Variants in DTHD1 observed in about 807,000 individuals in gnomAD.
The protein encoded by DTHD1 is death domain-containing protein 1.
Under a neutral mutation model 74.8 loss-of-function variants are expected in DTHD1, and 59 were observed. The ratio of observed to expected loss-of-function variants is 0.79; its 90% CI spans 0.64 to 0.98. DTHD1 has a LOEUF of 0.98. Ranked by LOEUF, DTHD1 falls within the 50% of genes least tolerant of loss-of-function variation. DTHD1 has a pLI of 0.00. For synonymous variants in DTHD1, 365 were observed against 371.1 expected (o/e 0.98, Z 0.19); for missense variants, 1,051 against 1,065.4 (o/e 0.99, Z 0.19).
At chr4:36,327,844 G>T (rs1213719152) in intron 8 of DTHD1, among the ~76,000 whole-genome samples, 21 of 151,988 alleles carry the variant, frequency 1.4e-4, no homozygotes, top group Admixed American at 1.4e-3. Flanking sequence ...ATTCCTGGAT[G>T]CCCCTTCCTT....
intron 5 of DTHD1, among the ~76,000 whole-genome samples, chr4:36,303,656 C>G (rs530707412): frequency 6.6e-6 from 1 of 152,304 alleles, no homozygotes; most frequent in South Asian, 2.1e-4. Context: ...GGGCCTGATT[C>G]TCACTCCAGA....
intron 7 of DTHD1, among the ~76,000 whole-genome samples, chr4:36,313,562 A>C (rs1387791138): frequency 6.6e-6 from 1 of 152,172 alleles, no homozygotes; most frequent in Non-Finnish European, 1.5e-5. Flanking sequence ...AAATTACATA[A>C]TGGTTTCTGT....
intron 5 of DTHD1, 45 bp from the exon 6 acceptor site, chr4:36,306,146 T>G (rs1178462887): frequency 6.8e-7 from 1 of 1,481,072 alleles, no homozygotes. Context: ...ATAAGATTTA[T>G]ATCATGTAAA....
rs904648549 is a variant in DTHD1, at chr4:36,343,912, A to G, written c.*88A>G. 1 of 1,254,704 alleles carries G rather than the reference A, an allele frequency of 8.0e-7. No individual in the cohort carries two copies. The highest frequency in any genetic ancestry group is 1.5e-5 in the African/African-American group (1 of 66,046). The allele number at this position is 1,254,704 out of a possible 1,614,324, so 77.7% of individuals were successfully genotyped here. A position where few individuals can be genotyped will look rare whatever the true frequency, so the allele number is the denominator to read the frequency against. On this transcript the variant is annotated 3_prime_UTR_variant, in exon 10 of 10. Transcript: ENST00000639862. ...ACATTTTCCTGGAAGTTTCCGAATG[A>G]TATTATTTGAAGTCAGTCTATTTAA...
intron 8 of DTHD1, among the ~76,000 whole-genome samples, chr4:36,319,508 G>T (rs376226808): frequency 3.4e-4 from 52 of 152,326 alleles, no homozygotes; most frequent in African/African-American, 1.2e-3. Flanking sequence ...CTGGCACATT[G>T]CTTCCAGAAA....
chr4:36,322,819 A>G (rs1193818879), intron 8 of DTHD1, among the ~76,000 whole-genome samples: 1 of 152,238 alleles, frequency 6.6e-6, no homozygotes, highest in Non-Finnish European at 1.5e-5. Context: ...TGTTCAAGTA[A>G]ATTCAGTTCA....
intron 2 of DTHD1, among the ~76,000 whole-genome samples, chr4:36,289,150 T>C (rs1412490371): frequency 2.6e-5 from 4 of 152,188 alleles, no homozygotes; most frequent in Non-Finnish European, 5.9e-5. Flanking sequence ...TAATGCTATG[T>C]TATATATAGA....
At chr4:36,316,126 G>A (rs529781332) in intron 7 of DTHD1, 116 bp from the exon 8 acceptor site, 40 of 911,538 alleles carry the variant, frequency 4.4e-5, no homozygotes, top group Middle Eastern at 4.6e-4. Context: ...TAGTAGAGAC[G>A]GGGTTTCACC....
Position 36,284,067 on chromosome 4 carries a change from T to G in DTHD1, c.363T>G (p.Cys121Trp). ...ALLKKEEKEI[C>W]NLCGMHDECT... The stretch of plus-strand genomic sequence containing the variant: ...TAAAGAAAGAAGAAAAGGAGATTTG[T>G]AATTTATGCGGCATGCATGATGAAT... The change falls in exon 2 of 10, where the codon TGT (cysteine) becomes TGG (tryptophan). Residue 121 changes from cysteine (C) to tryptophan (W), a missense_variant. By Grantham distance (215) the Cys-to-Trp change is radical. Coordinates refer to ENST00000639862, the MANE Select transcript of DTHD1 (RefSeq NM_001170700.3). 1 of 1,537,230 alleles carries G rather than the reference T, an allele frequency of 6.5e-7. No homozygotes were observed. The highest frequency in any genetic ancestry group is 8.7e-7 in the Non-Finnish European group (1 of 1,146,882).
chr4:36,334,452 G>A (rs938351669), intron 8 of DTHD1, among the ~76,000 whole-genome samples: 6 of 150,260 alleles, frequency 4.0e-5, no homozygotes, highest in Non-Finnish European at 7.4e-5. Context: ...TTGGCCTCCC[G>A]GGATCAAGCG....
intron 8 of DTHD1, among the ~76,000 whole-genome samples, chr4:36,326,186 T>A (rs1181731002): frequency 1.3e-5 from 2 of 151,936 alleles, no homozygotes; most frequent in Non-Finnish European, 2.9e-5. Flanking sequence ...TATTATCCCC[T>A]CTTTAGGAGC....
chr4:36,298,974 G>A (rs1756601930), intron 5 of DTHD1, among the ~76,000 whole-genome samples: 2 of 151,996 alleles, frequency 1.3e-5, no homozygotes, highest in Non-Finnish European at 1.5e-5. Context: ...ATAATGAAAT[G>A]GACAACTAGT....
intron 7 of DTHD1, chr4:36,311,651 A>G (rs901506827): frequency 1.3e-5 from 2 of 151,342 alleles, no homozygotes; most frequent in Non-Finnish European, 2.9e-5. Context: ...GCAATTTTCT[A>G]TTTTTTCATT....
At chr4:36,329,210 A>G (rs1454933971) in intron 8 of DTHD1, among the ~76,000 whole-genome samples, 3 of 152,196 alleles carry the variant, frequency 2.0e-5, no homozygotes, top group African/African-American at 7.2e-5. Context: ...TCAAAGAGCC[A>G]GTTAGGAGGG....
chr4:36,294,707 T>C, intron 4 of DTHD1, 88 bp from the exon 5 acceptor site: 3 of 1,309,252 alleles, frequency 2.3e-6, no homozygotes, highest in Non-Finnish European at 2.0e-6. Flanking sequence ...CTATGCTGCA[T>C]AGAATTTTCA....
chr4:36,319,705 A>G (rs1757948371), intron 8 of DTHD1, among the ~76,000 whole-genome samples: 1 of 152,248 alleles, frequency 6.6e-6, no homozygotes, highest in Non-Finnish European at 1.5e-5. Flanking sequence ...TTCACTTATT[A>G]GTGTTTCCTC....
chr4:36,313,901 CAG>C (rs1205544812), intron 7 of DTHD1, among the ~76,000 whole-genome samples: 3 of 152,024 alleles, frequency 2.0e-5, no homozygotes, highest in African/African-American at 7.2e-5. Flanking sequence ...AGTATGGAAA[CAG>C]AAGTTAGCCA....
At position 36,347,167 on chromosome 4, in the gene DTHD1, C is replaced by T. The variant is rs6819595; in HGVS notation, c.*3343C>T. ...TTAAATTATGAGTTTTTAATGTCTT[C>T]GAATGTTTTAATGACTGTATAATAT... On this transcript the variant is annotated 3_prime_UTR_variant, in exon 10 of 10. Coordinates refer to ENST00000639862, the MANE Select transcript of DTHD1 (RefSeq NM_001170700.3). Among the ~76,000 whole-genome samples the T allele has an allele frequency of 0.13, 19,696 of 151,826 alleles. 1,357 individuals carry two copies. Among genetic ancestry groups the T allele is most frequent in the East Asian group, 0.17 (868 of 5,150 alleles).
chr4:36,294,741 A>G, intron 4 of DTHD1, 54 bp from the exon 5 acceptor site: 2 of 1,455,922 alleles, frequency 1.4e-6, no homozygotes, highest in Non-Finnish European at 1.8e-6. Context: ...GAAATGTACC[A>G]ATAGTTTGCA....
Sources: allele counts gnomAD v4.1 joint callset (sites outside exome capture counted in the v4.1 genomes callset), GRCh38; gene constraint gnomAD v4.1.1; transcripts MANE v1.5; gene names NCBI Gene and HGNC (gene_info 2026-07-23, HGNC 2026-07-21).